RBPMS: variants seen among roughly 807,000 people sequenced by gnomAD.
RBPMS encodes RNA binding protein, mRNA processing factor.
Under a neutral mutation model 26.8 loss-of-function variants are expected in RBPMS, and 7 were observed. The observed-to-expected ratio is 0.26, with a 90% confidence interval of 0.15 to 0.49. RBPMS has a LOEUF of 0.49. Among genes scored for constraint, RBPMS ranks in the 20% least tolerant of loss-of-function variants. The pLI is 0.98. For missense variants in RBPMS, 186 were observed against 250.0 expected, an observed-to-expected ratio of 0.74 and a Z score of 1.73; for synonymous variants, 96 against 93.3, an observed-to-expected ratio of 1.03 and a Z score of -0.17.
At chr8:30,453,664 C>A (rs941133249) in intron 1 of RBPMS, 5 of 152,156 alleles carry the variant, frequency 3.3e-5, no homozygotes, top group Non-Finnish European at 7.3e-5. Flanking sequence ...ACAAAAGGGT[C>A]TAATTTTTCT....
intron 5 of RBPMS, among the ~76,000 whole-genome samples, chr8:30,541,555 G>C (rs1311530772): frequency 6.6e-6 from 1 of 152,098 alleles, no homozygotes; most frequent in Admixed American, 6.5e-5. Flanking sequence ...AAAAGCCCTG[G>C]CCTCTTGATC....
chr8:30,563,141 G>A (rs1480015045), intron 7 of RBPMS, among the ~76,000 whole-genome samples: 1 of 152,332 alleles, frequency 6.6e-6, no homozygotes, highest in Non-Finnish European at 1.5e-5. Context: ...CAGGCCATGT[G>A]CATGCTGTTC....
At chr8:30,492,195 A>G (rs1819473873) in intron 4 of RBPMS, among the ~76,000 whole-genome samples, 1 of 152,184 alleles carries the variant, frequency 6.6e-6, no homozygotes, top group Non-Finnish European at 1.5e-5. Context: ...CCCAGCCGAC[A>G]CACTTGTTTT....
chr8:30,465,488 C>T (rs1387823885), intron 1 of RBPMS, among the ~76,000 whole-genome samples: 2 of 152,252 alleles, frequency 1.3e-5, no homozygotes, highest in Non-Finnish European at 2.9e-5. Context: ...GAGTTTGCTT[C>T]TTAAGAAGTC....
chr8:30,527,811 T>C (rs890790935), intron 5 of RBPMS, among the ~76,000 whole-genome samples: 1 of 152,206 alleles, frequency 6.6e-6, no homozygotes, highest in Admixed American at 6.5e-5. Flanking sequence ...ATGAGACATA[T>C]GTTGAGAGAT....
At chr8:30,562,308 G>A (rs1449886200) in intron 7 of RBPMS, among the ~76,000 whole-genome samples, 1 of 149,114 alleles carries the variant, frequency 6.7e-6, no homozygotes, top group African/African-American at 2.5e-5. Flanking sequence ...TCTGGCCTGG[G>A]CGACAGAGCA....
At chr8:30,429,290 C>T (rs1047143614) in intron 1 of RBPMS, among the ~76,000 whole-genome samples, 11 of 152,150 alleles carry the variant, frequency 7.2e-5, no homozygotes, top group African/African-American at 2.7e-4. Flanking sequence ...ACCTTCTATT[C>T]CCTCTTTATA....
intron 1 of RBPMS, among the ~76,000 whole-genome samples, chr8:30,438,762 C>G (rs888813707): frequency 1.4e-5 from 2 of 143,246 alleles, no homozygotes; most frequent in African/African-American, 5.6e-5. Context: ...TAGGAAGATG[C>G]GATCTTACTT....
chr8:30,435,860 C>T (rs899645006), intron 1 of RBPMS, among the ~76,000 whole-genome samples: 1 of 152,172 alleles, frequency 6.6e-6, no homozygotes, highest in African/African-American at 2.4e-5. Context: ...GCCTAGAGTG[C>T]AGTGGTGTGA....
chr8:30,485,044 A>G (rs1435830866), intron 4 of RBPMS, among the ~76,000 whole-genome samples: 1 of 152,220 alleles, frequency 6.6e-6, no homozygotes, highest in Non-Finnish European at 1.5e-5. Context: ...AAGTAAACCT[A>G]TATCATGAAT....
intron 1 of RBPMS, among the ~76,000 whole-genome samples, chr8:30,471,961 A>C (rs1250007949): frequency 6.6e-6 from 1 of 152,228 alleles, no homozygotes; most frequent in Non-Finnish European, 1.5e-5. Context: ...TTTTAAGTGC[A>C]CACAGAACAT....
intron 1 of RBPMS, 31 bp from the exon 2 acceptor site, chr8:30,474,748 C>T (rs780800880): frequency 7.3e-7 from 1 of 1,378,010 alleles, no homozygotes; most frequent in Admixed American, 1.7e-5. Flanking sequence ...GTGTCCACAC[C>T]CTTGATCACT....
At chr8:30,489,346 G>T (rs186902321) in intron 4 of RBPMS, among the ~76,000 whole-genome samples, 2 of 152,268 alleles carry the variant, frequency 1.3e-5, no homozygotes, top group Non-Finnish European at 2.9e-5. Flanking sequence ...GCGCCTGACC[G>T]AGATGGGTAT....
intron 5 of RBPMS, among the ~76,000 whole-genome samples, chr8:30,532,215 A>G (rs1258659584): frequency 6.6e-6 from 1 of 152,190 alleles, no homozygotes; most frequent in Admixed American, 6.5e-5. Flanking sequence ...ACAGTTAAAC[A>G]TGAGAAGTGG....
At chr8:30,415,753 C>T (rs1007204108) in intron 1 of RBPMS, among the ~76,000 whole-genome samples, 1 of 152,166 alleles carries the variant, frequency 6.6e-6, no homozygotes, top group Non-Finnish European at 1.5e-5. Flanking sequence ...TGTGTGTACA[C>T]ACTCTGCCTT....
intron 2 of RBPMS, among the ~76,000 whole-genome samples, chr8:30,476,030 T>C (rs1817659519): frequency 6.6e-6 from 1 of 152,206 alleles, no homozygotes; most frequent in Admixed American, 6.5e-5. Context: ...CTATCCTTTT[T>C]ATAGAATGCA....
intron 5 of RBPMS, among the ~76,000 whole-genome samples, chr8:30,512,753 A>G (rs1200086053): frequency 6.6e-6 from 1 of 152,178 alleles, no homozygotes; most frequent in African/African-American, 2.4e-5. Flanking sequence ...ACCATACTAT[A>G]CTTAAACAAA....
At chr8:30,522,411 G>A (rs1037451957) in intron 5 of RBPMS, among the ~76,000 whole-genome samples, 5 of 152,106 alleles carry the variant, frequency 3.3e-5, no homozygotes, top group African/African-American at 1.2e-4. Flanking sequence ...GAGACGCCAA[G>A]GTGGGCAGAT....
chr8:30,568,759 G>A (rs545739105), intron 8 of RBPMS, among the ~76,000 whole-genome samples: 21 of 152,280 alleles, frequency 1.4e-4, no homozygotes, highest in Admixed American at 1.1e-3. Flanking sequence ...AAATGTCCTT[G>A]TTAAGACATT....
Sources: allele counts gnomAD v4.1 joint callset (sites outside exome capture counted in the v4.1 genomes callset), GRCh38; gene constraint gnomAD v4.1.1; transcripts MANE v1.5; gene names NCBI Gene and HGNC (gene_info 2026-07-23, HGNC 2026-07-21).